The following IGF2BP2 variants were observed in gnomAD, a reference collection of about 807,000 sequenced individuals.
IGF2BP2 encodes insulin-like growth factor 2 mRNA-binding protein 2.
In IGF2BP2, 17 loss-of-function variants were observed where a neutral mutation model predicts 75.8. That is an observed-to-expected ratio of 0.22 (90% confidence interval 0.15 to 0.34). The LOEUF (loss-of-function observed/expected upper bound fraction) is 0.34, where lower values mean the gene tolerates loss of function less well. IGF2BP2 is among the 10% of genes least tolerant of loss of function. IGF2BP2 has a pLI of 1.00. For missense variants in IGF2BP2, 516 were observed against 772.4 expected (o/e 0.67, Z 3.93); for synonymous variants, 288 against 295.6 (o/e 0.97, Z 0.26).
In IGF2BP2 at chr3:185,696,606, T is replaced by C. The variant is rs1722611751; in HGVS notation, c.340+6A>G. 1 of 1,613,152 alleles carries C rather than the reference T, an allele frequency of 6.2e-7. No individual in the cohort carries two copies. Among genetic ancestry groups the C allele is most frequent in the Admixed American group, 1.7e-5 (1 of 59,986 alleles). On this transcript the variant is annotated splice_donor_region_variant and intron_variant, in intron 4 of 15. Coordinates refer to ENST00000382199, the MANE Select transcript of IGF2BP2 (RefSeq NM_006548.6). ...CCAAAACCCAAAAGGCTTCCTCACT[T>C]ATTACCTTGTTCCACATTCTCCACT...
Position 185,823,162 on chromosome 3 carries a change from T to C in IGF2BP2, c.230A>G (p.Lys77Arg). The C allele has an allele frequency of 6.2e-7, 1 of 1,605,672 alleles. No homozygotes were observed. The highest frequency in any genetic ancestry group is 8.5e-7 in the Non-Finnish European group (1 of 1,176,132). The part of the protein sequence containing the change: ...KIMEVDYSVS[K>R]KLRSRKIQIR... ...AGCAAAGTATATTTACCTTAGCTTT[T>C]TAGAGACTGAGTAATCAACTTCCAT... Residue 77 changes from lysine (K) to arginine (R), a missense_variant, in exon 2 of 16, where the codon AAA (lysine) becomes AGA (arginine). This residue lies in a region of IGF2BP2 where 312 missense variants were observed against 474.5 expected (regional missense o/e 0.66). Coordinates refer to ENST00000382199, the MANE Select transcript of IGF2BP2 (RefSeq NM_006548.6).
intron 2 of IGF2BP2, among the ~76,000 whole-genome samples, chr3:185,744,753 G>A (rs1317849102): frequency 1.3e-5 from 2 of 152,196 alleles, no homozygotes; most frequent in African/African-American, 4.8e-5. Flanking sequence ...AAGTTGCAGT[G>A]AGCTGAGACT....
At chr3:185,812,622 T>G (rs976892156) in intron 2 of IGF2BP2, among the ~76,000 whole-genome samples, 1 of 152,204 alleles carries the variant, frequency 6.6e-6, no homozygotes, top group African/African-American at 2.4e-5. Context: ...TTACACACTG[T>G]AGGGTGGGTG....
At position 185,649,404 on chromosome 3, in the gene IGF2BP2, G is replaced by A; in HGVS notation, c.1592C>T (p.Thr531Ile). Reference protein sequence around the residue: ...AGRVIGKGGKTVNELQNLTSA... With the variant: ...AGRVIGKGGKIVNELQNLTSA... ...GAAGCGAGCCCGGAGCACACTTACG[G>A]TCTTGCCACCTTTGCCAATCACCCG... The change falls in exon 14 of 16, where the codon ACC becomes ATC. Residue 531 changes from threonine to isoleucine, a missense_variant and splice_region_variant. Physicochemically the swap from Thr to Ile is moderately conservative, Grantham distance 89 (BLOSUM62 -1). Around this residue, in one of 3 missense-constraint regions of IGF2BP2, gnomAD observed 129 missense variants for 230.5 expected, o/e 0.56. Coordinates refer to ENST00000382199, the MANE Select transcript of IGF2BP2 (RefSeq NM_006548.6). 1 of 1,613,134 alleles carries A rather than the reference G, an allele frequency of 6.2e-7. No homozygotes were observed. Among genetic ancestry groups the A allele is most frequent in the South Asian group, 1.1e-5 (1 of 91,010 alleles).
At chr3:185,740,562 T>C (rs546120849) in intron 2 of IGF2BP2, among the ~76,000 whole-genome samples, 3 of 152,372 alleles carry the variant, frequency 2.0e-5, no homozygotes, top group East Asian at 3.9e-4. Context: ...CTAATAATCA[T>C]AATAGTTAAA....
chr3:185,731,717 G>GT (rs1456657515), intron 2 of IGF2BP2, among the ~76,000 whole-genome samples: 1 of 151,874 alleles, frequency 6.6e-6, no homozygotes, highest in Non-Finnish European at 1.5e-5. Flanking sequence ...GCTCATGCCT[G>GT]TAATCCCAGC....
chr3:185,667,873 C>T lies in IGF2BP2; in HGVS notation c.1200+4668G>A, dbSNP rs184170315. The stretch of plus-strand genomic sequence containing the variant: ...TCTATTGGTATCATTTGTCCAAATG[C>T]GCGTGCTCACTTTGTGTTTCTGTGT... On this transcript the variant is annotated intron_variant, in intron 10 of 15. Coordinates refer to ENST00000382199, the MANE Select transcript of IGF2BP2 (RefSeq NM_006548.6). Among the ~76,000 whole-genome samples the T allele has an allele frequency of 5.9e-3, 894 of 152,238 alleles. 26 individuals are homozygous for T. Among genetic ancestry groups the T allele is most frequent in the Non-Finnish European group, 1.7e-3 (119 of 68,028 alleles).
In IGF2BP2 at chr3:185,660,588, G is replaced by A. The variant is rs190102923; in HGVS notation, c.1201-2179C>T. ...GAGCCTTGCTTTGACTTGGAAAGGG[G>A]CTGCAGCAGCCCCTCATGCCCACAA... is the stretch of plus-strand genomic sequence containing the variant. On this transcript the variant is annotated intron_variant, in intron 10 of 15. Coordinates refer to ENST00000382199, the MANE Select transcript of IGF2BP2 (RefSeq NM_006548.6). Among the ~76,000 whole-genome samples the A allele has an allele frequency of 1.6e-4, 25 of 152,280 alleles. No individual in the cohort carries two copies. The East Asian group carries it at 2.1e-3, about 13-fold the overall frequency.
chr3:185,753,146 T>G (rs1344034271), intron 2 of IGF2BP2, among the ~76,000 whole-genome samples: 1 of 152,212 alleles, frequency 6.6e-6, no homozygotes, highest in Non-Finnish European at 1.5e-5. Flanking sequence ...AACCAACTAC[T>G]GTGAGTGTCA....
chr3:185,759,429 A>C (rs1732061330), intron 2 of IGF2BP2, among the ~76,000 whole-genome samples: 1 of 152,252 alleles, frequency 6.6e-6, no homozygotes, highest in African/African-American at 2.4e-5. Flanking sequence ...CCTTGCTAAA[A>C]TATATAGCCT....
chr3:185,795,365 G>A (rs77931017), intron 2 of IGF2BP2, among the ~76,000 whole-genome samples: 2,857 of 152,222 alleles, frequency 0.019, 95 homozygotes, highest in African/African-American at 0.065. Flanking sequence ...TGTTTCTCCA[G>A]GCACCTGGCA....
intron 2 of IGF2BP2, among the ~76,000 whole-genome samples, chr3:185,750,161 ACT>A (rs1288834009): frequency 1.3e-5 from 2 of 152,142 alleles, no homozygotes; most frequent in African/African-American, 4.8e-5. Context: ...AGAGGACCAC[ACT>A]GAGAATCACT....
chr3:185,739,000 TA>T (rs1284886606), intron 2 of IGF2BP2, among the ~76,000 whole-genome samples: 1 of 152,144 alleles, frequency 6.6e-6, no homozygotes, highest in East Asian at 1.9e-4. Context: ...AAACCCAGTT[TA>T]AAAAATAGCA....
intron 2 of IGF2BP2, among the ~76,000 whole-genome samples, chr3:185,709,881 G>A (rs1267313948): frequency 6.6e-6 from 1 of 152,138 alleles, no homozygotes; most frequent in Admixed American, 6.5e-5. Flanking sequence ...TTTTTCGACT[G>A]GAGGTTAACA....
chr3:185,666,605 G>A (rs1717672418), intron 10 of IGF2BP2, among the ~76,000 whole-genome samples: 2 of 151,882 alleles, frequency 1.3e-5, no homozygotes, highest in African/African-American at 4.8e-5. Flanking sequence ...CTCCAGCCTG[G>A]GCGACAGAGC....
intron 2 of IGF2BP2, among the ~76,000 whole-genome samples, chr3:185,735,452 C>A (rs922409263): frequency 1.3e-5 from 2 of 152,134 alleles, no homozygotes; most frequent in Non-Finnish European, 2.9e-5. Flanking sequence ...GGCCTTACAT[C>A]CCTTAATCTA....
In IGF2BP2 at chr3:185,645,759, C is replaced by T; in HGVS notation, c.1708-136G>A. On this transcript the variant is annotated intron_variant, in intron 15 of 15. Coordinates refer to ENST00000382199, the MANE Select transcript of IGF2BP2 (RefSeq NM_006548.6). The surrounding 1 kb of genome is among the most constrained non-coding windows in gnomAD (Gnocchi z 4.9). ...CAGACAAGCATCATCTACCCACCCC[C>T]GCACGTTACTCCAGGCCCTTTTCTG... is the stretch of plus-strand genomic sequence containing the variant. 4.6e-6 allele frequency: 3 copies of T among 653,502 alleles called. No individual in the cohort carries two copies. Among genetic ancestry groups the T allele is most frequent in the Middle Eastern group, 2.5e-4 (1 of 3,940 alleles). The allele number at this position is 653,502 out of a possible 1,614,324, so 40.5% of individuals were successfully genotyped here. A position where few individuals can be genotyped will look rare whatever the true frequency, so the allele number is the denominator to read the frequency against.
intron 2 of IGF2BP2, among the ~76,000 whole-genome samples, chr3:185,726,020 G>A (rs1204132027): frequency 6.6e-6 from 1 of 152,156 alleles, no homozygotes; most frequent in Non-Finnish European, 1.5e-5. Context: ...ACTGGTGTTG[G>A]TTAAAACCTT....
At chr3:185,754,979 C>T (rs973469531) in intron 2 of IGF2BP2, among the ~76,000 whole-genome samples, 12 of 152,022 alleles carry the variant, frequency 7.9e-5, no homozygotes, top group African/African-American at 2.7e-4. Context: ...GCAGCCAGGC[C>T]CTATGGTAGA....
Sources: gnomAD v4.1 joint callset for allele counts (sites outside exome capture counted in the v4.1 genomes callset) on GRCh38, gnomAD v4.1.1 for gene constraint, gnomAD v4.1.1 regional missense constraint, Gnocchi (gnomAD v3.1) non-coding constraint, MANE v1.5 for transcripts, NCBI Gene and HGNC (gene_info 2026-07-23, HGNC 2026-07-21) for gene names.